Variants in ARHGEF10L observed in about 807,000 individuals in gnomAD.
ARHGEF10L encodes Rho guanine nucleotide exchange factor 10 like, also known as rho guanine nucleotide exchange factor 10-like protein.
Under a neutral mutation model 141.2 loss-of-function variants are expected in ARHGEF10L, and 69 were observed. The observed-to-expected ratio is 0.49, with a 90% CI of 0.40 to 0.60. The LOEUF (loss-of-function observed/expected upper bound fraction) is 0.60. ARHGEF10L is among the 20% of genes least tolerant of loss of function. ARHGEF10L has a pLI of 0.00. For synonymous variants in ARHGEF10L, 711 were observed against 718.5 expected, an observed-to-expected ratio of 0.99 and a Z score of 0.17; for missense variants, 1,482 against 1,734.3, an observed-to-expected ratio of 0.85 and a Z score of 2.58.
chr1:17,557,941 G>A (rs573389309), intron 1 of ARHGEF10L, among the ~76,000 whole-genome samples: 1 of 152,112 alleles, frequency 6.6e-6, no homozygotes, highest in Non-Finnish European at 1.5e-5. Flanking sequence ...CACTGAAATA[G>A]AGCCCTGGGC....
Position 17,625,631 on chromosome 1 carries a change from G to A in ARHGEF10L, c.1318-325G>A, listed in dbSNP as rs1253624723. Among the ~76,000 whole-genome samples, 2 of 152,208 alleles carry A rather than the reference G, an allele frequency of 1.3e-5. No individual in the cohort carries two copies. The highest frequency in any genetic ancestry group is 4.8e-5 in the African/African-American group (2 of 41,442). ...CCAAATCTGTCTGCATTTAGTTTAA[G>A]TGGAGGGAATGGTTGCCTTGGCCAC... is the stretch of plus-strand genomic sequence containing the variant. On this transcript the variant is annotated intron_variant, in intron 13 of 28. Transcript: ENST00000361221. This position sits in a 1 kb window ranked among gnomAD's most constrained non-coding sequence, Gnocchi z 4.5.
chr1:17,664,460 G>C lies in ARHGEF10L; in HGVS notation c.2874G>C (p.Trp958Cys), dbSNP rs781196828. 3 of 1,604,166 alleles carry C rather than the reference G, an allele frequency of 1.9e-6. No individual in the cohort carries two copies. The African/African-American group carries it at 4.0e-5, about 21-fold the overall frequency. The change falls in exon 26 of 29, where the codon TGG becomes TGC. Residue 958 changes from tryptophan to cysteine, a missense_variant. Physicochemically the swap from Trp to Cys is radical, Grantham distance 215. This residue lies in a region of ARHGEF10L where 858 missense variants were observed against 966.3 expected (regional missense o/e 0.89). Transcript: ENST00000361221. ...AYPRTSGGVL[W>C]DLESPPVCLT... The stretch of plus-strand genomic sequence containing the variant: ...CTCTCCCTGCAGGAGGTGTCCTGTG[G>C]GACCTGGAGAGCCCTCCCGTGTGCC...
intron 1 of ARHGEF10L, among the ~76,000 whole-genome samples, chr1:17,561,998 G>A (rs1366588187): frequency 1.3e-5 from 2 of 152,186 alleles, no homozygotes; most frequent in East Asian, 1.9e-4. Context: ...TGGACAAGTC[G>A]CTTTGCCTCT....
At chr1:17,641,495 C>T (rs550338176) in intron 21 of ARHGEF10L, among the ~76,000 whole-genome samples, 16 of 151,428 alleles carry the variant, frequency 1.1e-4, no homozygotes, top group Middle Eastern at 3.2e-3. Flanking sequence ...GCCTGGCACA[C>T]GCCTGTAGTC....
chr1:17,671,243 G>C (rs1423885706), intron 26 of ARHGEF10L, among the ~76,000 whole-genome samples: 2 of 152,238 alleles, frequency 1.3e-5, no homozygotes, highest in Non-Finnish European at 2.9e-5. Context: ...GAGATTCGGG[G>C]GGTTAGGCAT....
chr1:17,641,032 G>T (rs1217480631), intron 21 of ARHGEF10L, among the ~76,000 whole-genome samples: 2 of 152,194 alleles, frequency 1.3e-5, no homozygotes, highest in African/African-American at 2.4e-5. Context: ...CAGAAGGAAG[G>T]GGCAGATCTG....
the ARHGEF10L span, among the ~76,000 whole-genome samples, chr1:17,532,103 G>T: frequency 1.3e-5 from 2 of 152,316 alleles, no homozygotes; most frequent in Admixed American, 1.3e-4. Context: ...GCAGTCTCCA[G>T]CCAGGTCTGC....
chr1:17,533,255 G>T, the ARHGEF10L span, among the ~76,000 whole-genome samples: 1 of 152,204 alleles, frequency 6.6e-6, no homozygotes, highest in African/African-American at 2.4e-5. Context: ...TTACTGTGAG[G>T]ATTAAATGAG....
At chr1:17,640,885 C>CACTTT (rs1367794443) in intron 21 of ARHGEF10L, among the ~76,000 whole-genome samples, 1 of 152,238 alleles carries the variant, frequency 6.6e-6, no homozygotes, top group Non-Finnish European at 1.5e-5. Context: ...TATTTACATG[C>CACTTT]ACTTTTCTGA....
chr1:17,577,853 G>A (rs1478064446), intron 1 of ARHGEF10L, among the ~76,000 whole-genome samples: 2 of 152,184 alleles, frequency 1.3e-5, no homozygotes, highest in Admixed American at 6.5e-5. Context: ...GGGGTGTTAC[G>A]AGAATTAGAT....
At chr1:17,595,990 A>C (rs917098124) in intron 4 of ARHGEF10L, among the ~76,000 whole-genome samples, 1 of 152,198 alleles carries the variant, frequency 6.6e-6, no homozygotes, top group African/African-American at 2.4e-5. Flanking sequence ...CGGTGCACAC[A>C]GCCAAGTGGC....
the ARHGEF10L span, among the ~76,000 whole-genome samples, chr1:17,527,481 G>A: frequency 6.6e-6 from 1 of 152,204 alleles, no homozygotes; most frequent in Non-Finnish European, 1.5e-5. Context: ...TGGAGCCACA[G>A]GGCAGGGAGC....
chr1:17,680,489 G>A (rs1173016186), intron 26 of ARHGEF10L, among the ~76,000 whole-genome samples: 1 of 152,214 alleles, frequency 6.6e-6, no homozygotes, highest in Non-Finnish European at 1.5e-5. Context: ...CTGTGTGGGC[G>A]CCTGTAGCGG....
chr1:17,601,308 G>A (rs1334970814), intron 4 of ARHGEF10L, among the ~76,000 whole-genome samples: 1 of 152,200 alleles, frequency 6.6e-6, no homozygotes, highest in African/African-American at 2.4e-5. Flanking sequence ...TTCGGGACGT[G>A]TCTGCTGGGC....
At chr1:17,626,762 C>G (rs997847421) in intron 14 of ARHGEF10L, among the ~76,000 whole-genome samples, 1 of 152,262 alleles carries the variant, frequency 6.6e-6, no homozygotes, top group Admixed American at 6.5e-5. Flanking sequence ...CAACAACTCC[C>G]GATTCTCCCT....
chr1:17,692,409 C>T (rs1367913189), intron 27 of ARHGEF10L, among the ~76,000 whole-genome samples: 1 of 152,170 alleles, frequency 6.6e-6, no homozygotes, highest in African/African-American at 2.4e-5. Context: ...CAACCAGGAG[C>T]TCTGGGCTTC....
chr1:17,642,649 G>A (rs965561346), intron 21 of ARHGEF10L, among the ~76,000 whole-genome samples: 7 of 152,172 alleles, frequency 4.6e-5, no homozygotes, highest in African/African-American at 1.7e-4. Context: ...TGGATCCAGT[G>A]CTGATATTGC....
chr1:17,516,788 G>A, the ARHGEF10L span, among the ~76,000 whole-genome samples: 30 of 152,236 alleles, frequency 2.0e-4, no homozygotes, highest in Admixed American at 3.9e-4. Context: ...CCAGGTCCCC[G>A]CCAACGAAGA....
intron 2 of ARHGEF10L, among the ~76,000 whole-genome samples, chr1:17,583,566 G>A (rs921960754): frequency 3.3e-5 from 5 of 152,090 alleles, no homozygotes; most frequent in African/African-American, 1.2e-4. Flanking sequence ...TAGAGATCAG[G>A]AAACTAGGAG....
Sources: gnomAD v4.1 joint callset for allele counts (sites outside exome capture counted in the v4.1 genomes callset) on GRCh38, gnomAD v4.1.1 for gene constraint, gnomAD v4.1.1 regional missense constraint, Gnocchi (gnomAD v3.1) non-coding constraint, MANE v1.5 for transcripts, NCBI Gene and HGNC (gene_info 2026-07-23, HGNC 2026-07-21) for gene names.